The following ZNF571 variants were observed in gnomAD, a reference collection of about 807,000 sequenced individuals.
The protein encoded by ZNF571 is zinc finger protein 571.
In ZNF571, 4 loss-of-function variants were observed where a neutral mutation model predicts 7.7. That is an observed-to-expected ratio of 0.52 (90% CI 0.25 to 1.18). The LOEUF is 1.18. ZNF571 is among the 50% of genes most tolerant of loss of function. The pLI is 0.14. For missense variants in ZNF571, 704 were observed against 726.9 expected (o/e 0.97, Z 0.36); for synonymous variants, 251 against 232.4 (o/e 1.08, Z -0.73).
At chr19:37,574,426 A>AT (rs899396780) in intron 3 of ZNF571, among the ~76,000 whole-genome samples, 1 of 152,110 alleles carries the variant, frequency 6.6e-6, no homozygotes, top group Non-Finnish European at 1.5e-5. Context: ...TTTTCACTAA[A>AT]TTTTTTTATC....
At chr19:37,581,458 C>A (rs1471111435) in intron 3 of ZNF571, among the ~76,000 whole-genome samples, 1 of 150,032 alleles carries the variant, frequency 6.7e-6, no homozygotes, top group African/African-American at 2.5e-5. Context: ...CCATTTCTTT[C>A]TTTCTTTCTT....
intron 3 of ZNF571, among the ~76,000 whole-genome samples, chr19:37,566,818 C>T (rs897593656): frequency 6.6e-6 from 1 of 152,112 alleles, no homozygotes; most frequent in Admixed American, 6.6e-5. Flanking sequence ...CATGATTTCC[C>T]CTGCTAAAAA....
intron 1 of ZNF571, among the ~76,000 whole-genome samples, chr19:37,592,264 A>T (rs888329623): frequency 6.6e-6 from 1 of 152,142 alleles, no homozygotes; most frequent in Non-Finnish European, 1.5e-5. Context: ...AAAATAAAGA[A>T]TGGATCTTGG....
At chr19:37,577,928 G>A (rs987594332) in intron 3 of ZNF571, among the ~76,000 whole-genome samples, 1 of 152,160 alleles carries the variant, frequency 6.6e-6, no homozygotes, top group Admixed American at 6.5e-5. Flanking sequence ...GTGGGGAACC[G>A]AACTGCAGAG....
intron 1 of ZNF571, 68 bp downstream of exon 1, chr19:37,594,673 C>T (rs2043965738): frequency 1.3e-5 from 2 of 152,418 alleles, no homozygotes; most frequent in South Asian, 4.1e-4. Flanking sequence ...CAGCACCATA[C>T]AAGAACTACT....
chr19:37,565,402 T>C lies in ZNF571; in HGVS notation c.1026A>G (p.Lys342=). Residue 342 remains lysine, a synonymous_variant, in exon 4 of 4, where the codon AAA becomes AAG. Coordinates refer to ENST00000451802, the MANE Select transcript of ZNF571 (RefSeq NM_016536.5). The stretch of plus-strand genomic sequence containing the variant: ...TCAGTTGGGAGGCACATAAAAAGGC[T>C]TTCCCACATTCTTTACATATGTAAG... ...EKPYICKECG[K]AFLCASQLNE... 3.1e-6 allele frequency: 5 copies of C among 1,613,670 alleles called. No homozygotes were observed. In the South Asian group the frequency reaches 3.3e-5, roughly 11 times the overall value.
intron 1 of ZNF571, among the ~76,000 whole-genome samples, chr19:37,587,742 G>A (rs1256910251): frequency 1.3e-5 from 2 of 152,064 alleles, no homozygotes; most frequent in Non-Finnish European, 2.9e-5. Context: ...GAGCTTTGAA[G>A]CACCATAAGC....
rs146117020 is a variant in ZNF571 at position 37,565,478 on chromosome 19, A to G, written c.950T>C (p.Ile317Thr). 2 of 1,613,308 alleles carry G rather than the reference A, an allele frequency of 1.2e-6. No homozygotes were observed. Among genetic ancestry groups the G allele is most frequent in the African/African-American group, 1.3e-5 (1 of 74,958 alleles). The change falls in exon 4 of 4, where the codon ATT (isoleucine) becomes ACT (threonine). Residue 317 changes from isoleucine (I) to threonine (T), a missense_variant. Transcript: ENST00000451802. ...YECKECGKAFILGSHLTYHQR... is the reference protein window; with the variant it reads ...YECKECGKAFTLGSHLTYHQR... ...ATGGTATGTAAGGTGTGAACCAAGA[A>G]TAAAGGCCTTTCCACATTCCTTACA...
Position 37,569,153 on chromosome 19 carries a change from A to G in ZNF571, c.137-2862T>C, listed in dbSNP as rs1445966926. 2.0e-5 allele frequency among the ~76,000 whole-genome samples: 3 copies of G among 151,968 alleles called. No homozygotes were observed. Among genetic ancestry groups the G allele is most frequent in the Non-Finnish European group, 4.4e-5 (3 of 67,996 alleles). On this transcript the variant is annotated intron_variant, in intron 3 of 3. Coordinates refer to ENST00000451802, the MANE Select transcript of ZNF571 (RefSeq NM_016536.5). The surrounding 1 kb of genome is among the most constrained non-coding windows in gnomAD (Gnocchi z 4.4). ...TTTTTAGTAGAGATAGGCCTTCACC[A>G]TATTGGTCAGGCTGGTCTCAAATTC...
intron 1 of ZNF571, among the ~76,000 whole-genome samples, chr19:37,589,059 G>A (rs913473374): frequency 5.3e-5 from 8 of 152,020 alleles, no homozygotes; most frequent in Non-Finnish European, 8.8e-5. Flanking sequence ...AATTAGCTGG[G>A]TGTGGTGGCG....
In ZNF571 at chr19:37,579,018, G is replaced by C. The variant is rs959085730; in HGVS notation, c.136+4953C>G. Among the ~76,000 whole-genome samples, 4 of 152,222 alleles carry C rather than the reference G, an allele frequency of 2.6e-5. No homozygotes were observed. The East Asian group carries it at 7.7e-4, about 29-fold the overall frequency. The stretch of plus-strand genomic sequence containing the variant: ...TTGCAGGAGTCCTGCTCCAGTGAAA[G>C]GCCCACAGCACAGCCGCCCTGCCCC... On this transcript the variant is annotated intron_variant, in intron 3 of 3. Transcript: ENST00000451802.
At position 37,565,988 on chromosome 19, in the gene ZNF571, C is replaced by A; in HGVS notation, c.440G>T (p.Gly147Val). Residue 147 changes from glycine to valine, a missense_variant, in exon 4 of 4, where the codon GGT becomes GTT. Coordinates refer to ENST00000451802, the MANE Select transcript of ZNF571 (RefSeq NM_016536.5). ...AATAAGGCATGACAGGTAGCTGAAA[C>A]CTTGTCTGCATTCCTTACATTTGTA... ...KLYKCKECRQ[G>V]FSYLSCLIQH... is the part of the protein sequence containing the mutation. 3 of 1,613,860 alleles carry A rather than the reference C, an allele frequency of 1.9e-6. No homozygotes were observed. The highest frequency in any genetic ancestry group is 2.5e-6 in the Non-Finnish European group (3 of 1,179,802).
intron 1 of ZNF571, among the ~76,000 whole-genome samples, chr19:37,587,671 C>A (rs1299953608): frequency 2.0e-5 from 3 of 151,592 alleles, no homozygotes; most frequent in Non-Finnish European, 4.4e-5. Flanking sequence ...TTGTGTGATA[C>A]CAAGAAAACC....
intron 1 of ZNF571, chr19:37,594,515 TAGC>T (rs2043960349): frequency 6.6e-6 from 1 of 151,904 alleles, no homozygotes; most frequent in Admixed American, 6.6e-5. Flanking sequence ...GGAACACAAC[TAGC>T]AGCACCACAC....
rs1170186081 is a variant in ZNF571 at position 37,564,498 on chromosome 19, A to G, written c.*100T>C. On this transcript the variant is annotated 3_prime_UTR_variant, in exon 4 of 4. Transcript: ENST00000451802. Reference sequence around the variant, plus strand: ...GCATCCATGTTAATGTAGGCCTTCTAAGAATGAGCAGATTCTGAGCAGAAG... The same window carrying G: ...GCATCCATGTTAATGTAGGCCTTCTGAGAATGAGCAGATTCTGAGCAGAAG... 2 of 1,162,606 alleles carry G rather than the reference A, an allele frequency of 1.7e-6. No homozygotes were observed. Among genetic ancestry groups the G allele is most frequent in the Non-Finnish European group, 2.3e-6 (2 of 870,514 alleles). 72.0% of individuals were successfully genotyped at this position (1,162,606 alleles called of 1,614,324 possible).
rs199648999 is a variant in ZNF571 at position 37,565,818 on chromosome 19, A to G, written c.610T>C (p.Phe204Leu). ...TGAATGAGATCAGAAGTACGACCAA[A>G]GGCCTTTCCACATTCCATACACTCA... Reference protein sequence around the residue: ...PYECMECGKAFGRTSDLIQHQ... With the variant: ...PYECMECGKALGRTSDLIQHQ... Residue 204 changes from phenylalanine (F) to leucine (L), a missense_variant, in exon 4 of 4, where the codon TTT (phenylalanine) becomes CTT (leucine). Physicochemically the swap from Phe to Leu is conservative, Grantham distance 22 (BLOSUM62 0). Transcript: ENST00000451802. 1.2e-6 allele frequency: 2 copies of G among 1,613,644 alleles called. No homozygotes were observed. Among genetic ancestry groups the G allele is most frequent in the African/African-American group, 2.7e-5 (2 of 74,870 alleles).
chr19:37,583,774 G>C, intron 3 of ZNF571, 197 bp downstream of exon 3: 1 of 494,848 alleles, frequency 2.0e-6, no homozygotes, highest in South Asian at 3.0e-5. Flanking sequence ...TCAAAGAAGG[G>C]AGACACTGAC....
chr19:37,564,794 A>G lies in ZNF571; in HGVS notation c.1634T>C (p.Leu545Pro). 2 of 1,613,862 alleles carry G rather than the reference A, an allele frequency of 1.2e-6. No individual in the cohort carries two copies. Among genetic ancestry groups the G allele is most frequent in the Non-Finnish European group, 1.7e-6 (2 of 1,179,900 alleles). ...AGTATGAGTTCTCAGATGTTCAGTAAGGTGTGAGCCACGAATAAAAGCCTT... is the reference window on the plus strand; with the variant it reads ...AGTATGAGTTCTCAGATGTTCAGTAGGGTGTGAGCCACGAATAAAAGCCTT... Reference protein sequence around the residue: ...CGKAFIRGSHLTEHLRTHTGE... With the variant: ...CGKAFIRGSHPTEHLRTHTGE... The change falls in exon 4 of 4, where the codon CTT (leucine) becomes CCT (proline). Residue 545 changes from leucine to proline, a missense_variant. Transcript: ENST00000451802.
At chr19:37,570,288 C>T (rs1427227443) in intron 3 of ZNF571, among the ~76,000 whole-genome samples, 1 of 152,180 alleles carries the variant, frequency 6.6e-6, no homozygotes. Flanking sequence ...GTACTTTCTA[C>T]AAATCGTCTA....
Sources: gnomAD v4.1 joint callset for allele counts (sites outside exome capture counted in the v4.1 genomes callset) on GRCh38, gnomAD v4.1.1 for gene constraint, Gnocchi (gnomAD v3.1) non-coding constraint, MANE v1.5 for transcripts, NCBI Gene and HGNC (gene_info 2026-07-23, HGNC 2026-07-21) for gene names.